Variants in PRC1 observed in about 807,000 individuals in gnomAD.
PRC1 encodes anaphase spindle elongation 1 homolog.
Under a neutral mutation model 91.2 loss-of-function variants are expected in PRC1, and 54 were observed. That is an observed-to-expected ratio of 0.59 (90% CI 0.48 to 0.74). The LOEUF is 0.74. Ranked by LOEUF, PRC1 falls within the 30% of genes least tolerant of loss-of-function variation. The pLI is 0.00. For missense variants in PRC1, 727 were observed against 746.2 expected (o/e 0.97, Z 0.30); for synonymous variants, 275 against 263.6 (o/e 1.04, Z -0.42).
chr15:90,969,072 T>C lies in PRC1; in HGVS notation c.1791+7A>G, dbSNP rs1567178139. 6.2e-7 allele frequency: 1 copy of C among 1,614,038 alleles called. No individual in the cohort carries two copies. Among genetic ancestry groups the C allele is most frequent in the Non-Finnish European group, 8.5e-7 (1 of 1,179,976 alleles). ...GAAAAGGGACATGCAGGGATTGCCA[T>C]ACAGACCTGAAGCCCAACAGTGGAA... On this transcript the variant is annotated splice_region_variant and intron_variant, in intron 14 of 14. Coordinates refer to ENST00000394249, the MANE Select transcript of PRC1 (RefSeq NM_003981.4).
In PRC1 at chr15:90,966,429, C is replaced by T. The variant is rs549683800; in HGVS notation, c.*702G>A. On this transcript the variant is annotated 3_prime_UTR_variant, in exon 15 of 15. Transcript: ENST00000394249. ...TAGAAGAACTCAGGCAAAGTAGGCA[C>T]AGGAATGGGGGAGATGAGAGCCAAG... The T allele has an allele frequency of 5.7e-6, 2 of 351,924 alleles. No individual in the cohort carries two copies. The highest frequency in any genetic ancestry group is 1.6e-4 in the East Asian group (2 of 12,194). The allele number at this position is 351,924 out of a possible 1,614,324, so 21.8% of individuals were successfully genotyped here. A position where few individuals can be genotyped will look rare whatever the true frequency, so the allele number is the denominator to read the frequency against.
intron 12 of PRC1, 109 bp downstream of exon 12, chr15:90,970,295 A>C: frequency 1.2e-6 from 1 of 827,048 alleles, no homozygotes; most frequent in Non-Finnish European, 2.0e-6. Context: ...CAGCATCTCA[A>C]TAAGAACCAA....
At position 90,994,440 on chromosome 15, in the gene PRC1, G is replaced by A. The variant is rs1045331844; in HGVS notation, c.-23C>T. On this transcript the variant is annotated 5_prime_UTR_variant, in exon 1 of 15. Transcript: ENST00000394249. Reference sequence around the variant, plus strand: ...CATGGCGGACGCTCCAAGCAGCCGTGAGTCCAGGTCCAGACCTACTCCACA... The same window carrying A: ...CATGGCGGACGCTCCAAGCAGCCGTAAGTCCAGGTCCAGACCTACTCCACA... 1.9e-6 allele frequency: 3 copies of A among 1,610,636 alleles called. No homozygotes were observed. Among genetic ancestry groups the A allele is most frequent in the Admixed American group, 1.7e-5 (1 of 59,672 alleles).
intron 11 of PRC1, among the ~76,000 whole-genome samples, chr15:90,971,894 G>T (rs1276653196): frequency 2.6e-5 from 4 of 152,044 alleles, no homozygotes; most frequent in African/African-American, 9.7e-5. Flanking sequence ...TGGGCATAGT[G>T]GCGCGGGCCT....
rs1596319232 is a variant in PRC1 at position 90,983,895 on chromosome 15, C to T, written c.267+123G>A. ...TAATTAACTACACAGCATGTTTTCC[C>T]CACTTCTTACGTCTAGCTCCATCCC... On this transcript the variant is annotated intron_variant, in intron 3 of 14. Coordinates refer to ENST00000394249, the MANE Select transcript of PRC1 (RefSeq NM_003981.4). 2.2e-5 allele frequency: 29 copies of T among 1,314,840 alleles called. No individual in the cohort carries two copies. In the East Asian group the frequency reaches 6.9e-4, roughly 31 times the overall value. 81.4% of individuals were successfully genotyped at this position (1,314,840 alleles called of 1,614,324 possible).
Position 90,974,803 on chromosome 15 carries a change from T to C in PRC1, c.1204-72A>G. On this transcript the variant is annotated intron_variant, in intron 9 of 14. Transcript: ENST00000394249. The surrounding 1 kb of genome is among the most constrained non-coding windows in gnomAD (Gnocchi z 4.6). Reference sequence around the variant, plus strand: ...CAAAGCCCAAATGAAATGATTTCCCTAGAGAGTGACTCCTCCTCCCCAGAG... The same window carrying C: ...CAAAGCCCAAATGAAATGATTTCCCCAGAGAGTGACTCCTCCTCCCCAGAG... The C allele has an allele frequency of 6.4e-7, 1 of 1,557,090 alleles. No individual in the cohort carries two copies. Among genetic ancestry groups the C allele is most frequent in the East Asian group, 2.2e-5 (1 of 44,580 alleles).
rs2037569565 is a variant in PRC1 at position 90,967,155 on chromosome 15, G to A, written c.1839C>T (p.Leu613=). ...ASKSDATSGI[L]NSTNIQS ...CTCAGGACTGGATGTTGGTTGAATT[G>A]AGGATTCCAGAAGTAGCATCAGATT... Residue 613 remains leucine, a synonymous_variant, in exon 15 of 15, where the codon CTC becomes CTT. Coordinates refer to ENST00000394249, the MANE Select transcript of PRC1 (RefSeq NM_003981.4). The A allele has an allele frequency of 6.2e-7, 1 of 1,614,014 alleles. No homozygotes were observed. The highest frequency in any genetic ancestry group is 1.7e-5 in the Admixed American group (1 of 60,006).
Position 90,969,327 on chromosome 15 carries a change from G to A in PRC1, c.1749+120C>T, listed in dbSNP as rs2037842606. 5 of 1,350,446 alleles carry A rather than the reference G, an allele frequency of 3.7e-6. No individual in the cohort carries two copies. In the African/African-American group the frequency reaches 4.4e-5, roughly 12 times the overall value. The allele number at this position is 1,350,446 out of a possible 1,614,324, so 83.7% of individuals were successfully genotyped here. A position where few individuals can be genotyped will look rare whatever the true frequency, so the allele number is the denominator to read the frequency against. On this transcript the variant is annotated intron_variant, in intron 13 of 14. Transcript: ENST00000394249. Reference sequence around the variant, plus strand: ...CCTGCCATGGTCAAAGCAGGAAAGGGATTCTCAGCCTCCAAGGTAGCTGCC... The same window carrying A: ...CCTGCCATGGTCAAAGCAGGAAAGGAATTCTCAGCCTCCAAGGTAGCTGCC...
rs1424464463 is a variant in PRC1, at chr15:90,968,786, T to A, written c.1791+293A>T. On this transcript the variant is annotated intron_variant, in intron 14 of 14. Coordinates refer to ENST00000394249, the MANE Select transcript of PRC1 (RefSeq NM_003981.4). ...TGGGGGCCTCTATTCTTTCCAGCTA[T>A]TGCAGGCCTTTGATGTCACAATTGG... The A allele has an allele frequency of 2.5e-6, 3 of 1,217,780 alleles. No individual in the cohort carries two copies. The African/African-American group carries it at 4.6e-5, about 19-fold the overall frequency. 75.4% of individuals were successfully genotyped at this position (1,217,780 alleles called of 1,614,324 possible).
intron 11 of PRC1, among the ~76,000 whole-genome samples, chr15:90,972,185 C>CAAAAAAAAAAA (rs79751458): frequency 1.7e-5 from 1 of 58,628 alleles, no homozygotes; most frequent in Non-Finnish European, 3.6e-5. Context: ...TACTGAAACT[C>CAAAAAAAAAAA]AAAAAAAAAA....
In PRC1 at chr15:90,994,468, G is replaced by A; in HGVS notation, c.-51C>T. On this transcript the variant is annotated 5_prime_UTR_variant, in exon 1 of 15. Coordinates refer to ENST00000394249, the MANE Select transcript of PRC1 (RefSeq NM_003981.4). Reference sequence around the variant, plus strand: ...TCCAGGTCCAGACCTACTCCACACGGCCCCGAGAGCAACAACCACCCGCAA... The same window carrying A: ...TCCAGGTCCAGACCTACTCCACACGACCCCGAGAGCAACAACCACCCGCAA... 6.3e-7 allele frequency: 1 copy of A among 1,590,572 alleles called. No individual in the cohort carries two copies. The highest frequency in any genetic ancestry group is 1.7e-4 in the Middle Eastern group (1 of 6,000).
At chr15:90,990,848 A>T (rs2039938748) in intron 1 of PRC1, among the ~76,000 whole-genome samples, 1 of 151,220 alleles carries the variant, frequency 6.6e-6, no homozygotes, top group African/African-American at 2.4e-5. Flanking sequence ...GTGTGATCTC[A>T]GCTCACTGCA....
chr15:90,969,712 CTATCTT>C (rs67082836), intron 12 of PRC1, 89 bp from the exon 13 acceptor site: 61,373 of 1,074,770 alleles, frequency 0.057, 2,403 homozygotes, highest in South Asian at 0.13. Context: ...AAGGCTGAGA[CTATCTT>C]TATATTCATG....
In PRC1 at chr15:90,974,369, G is replaced by A. The variant is rs918748205; in HGVS notation, c.1351-123C>T. On this transcript the variant is annotated intron_variant, in intron 10 of 14. Transcript: ENST00000394249. This position sits in a 1 kb window ranked among gnomAD's most constrained non-coding sequence, Gnocchi z 4.6. ...ACAGCCAGAGCTAAAGAGCTGCCGC[G>A]GGCTCCCCGTTCCACAAGCCCCGGT... 1.6e-5 allele frequency: 16 copies of A among 1,020,732 alleles called. No individual in the cohort carries two copies. Among genetic ancestry groups the A allele is most frequent in the Admixed American group, 9.4e-5 (4 of 42,730 alleles). 63.2% of individuals were successfully genotyped at this position (1,020,732 alleles called of 1,614,324 possible).
intron 1 of PRC1, among the ~76,000 whole-genome samples, chr15:90,988,895 C>T (rs948238951): frequency 1.3e-5 from 2 of 152,166 alleles, no homozygotes; most frequent in South Asian, 2.1e-4. Context: ...GTATTATGCA[C>T]TCTGGATCCT....
chr15:90,970,043 C>G (rs558763782), intron 12 of PRC1, among the ~76,000 whole-genome samples: 1 of 152,202 alleles, frequency 6.6e-6, no homozygotes, highest in East Asian at 1.9e-4. Context: ...TACTGAGTAC[C>G]TGGCATGTCT....
At chr15:90,976,588 T>C in intron 9 of PRC1, 88 bp downstream of exon 9, 1 of 1,103,304 alleles carries the variant, frequency 9.1e-7, no homozygotes, top group East Asian at 2.4e-5. Flanking sequence ...GAAAATAGTT[T>C]TGGGGCTAAA....
intron 14 of PRC1, chr15:90,967,531 G>T: frequency 4.1e-6 from 1 of 242,498 alleles, no homozygotes; most frequent in Non-Finnish European, 8.0e-6. Flanking sequence ...CACTATGGTG[G>T]TCCCATAAGA....
intron 9 of PRC1, among the ~76,000 whole-genome samples, chr15:90,976,414 C>T (rs1596300713): frequency 6.6e-6 from 1 of 151,726 alleles, no homozygotes. Context: ...CTCCTGACCT[C>T]GCGATATGCC....
Sources: allele counts gnomAD v4.1 joint callset (sites outside exome capture counted in the v4.1 genomes callset), GRCh38; gene constraint gnomAD v4.1.1; non-coding constraint Gnocchi (gnomAD v3.1); transcripts MANE v1.5; gene names NCBI Gene and HGNC (gene_info 2026-07-23, HGNC 2026-07-21).